IDE: variants seen among roughly 807,000 people sequenced by gnomAD.
IDE encodes the protein insulin degrading enzyme.
A neutral mutation model predicts 133.2 loss-of-function variants in IDE; 58 were observed. That is an observed-to-expected ratio of 0.44 (90% CI 0.35 to 0.54). The LOEUF (loss-of-function observed/expected upper bound fraction) is 0.54, where lower values mean the gene tolerates loss of function less well. Among genes scored for constraint, IDE ranks in the 20% least tolerant of loss-of-function variants. IDE has a pLI of 0.00. For missense variants in IDE, 981 were observed against 1,234.0 expected, an observed-to-expected ratio of 0.79 and a Z score of 3.07; for synonymous variants, 396 against 421.3, an observed-to-expected ratio of 0.94 and a Z score of 0.73.
intron 1 of IDE, among the ~76,000 whole-genome samples, chr10:92,560,932 T>C (rs368143101): frequency 6.6e-5 from 10 of 152,200 alleles, no homozygotes; most frequent in South Asian, 2.1e-4. Context: ...ACCTGGGTTC[T>C]AGACAATAAG....
intron 11 of IDE, among the ~76,000 whole-genome samples, chr10:92,501,361 T>TCAAAAAAAA (rs1564627755): frequency 9.7e-5 from 3 of 30,914 alleles, no homozygotes; most frequent in African/African-American, 5.7e-4. Flanking sequence ...GACTCTGTCA[T>TCAAAAAAAA]TAAAAAAAAA....
intron 22 of IDE, among the ~76,000 whole-genome samples, chr10:92,457,519 C>G (rs1431039847): frequency 6.6e-6 from 1 of 152,034 alleles, no homozygotes; most frequent in African/African-American, 2.4e-5. Flanking sequence ...TTAGTTACTA[C>G]CATGAATGCC....
At chr10:92,494,236 T>G (rs964419265) in intron 11 of IDE, among the ~76,000 whole-genome samples, 1 of 151,450 alleles carries the variant, frequency 6.6e-6, no homozygotes, top group African/African-American at 2.4e-5. Flanking sequence ...CAATTTTTTT[T>G]TTTTTTTTTT....
At chr10:92,547,779 A>G (rs1842594545) in intron 1 of IDE, among the ~76,000 whole-genome samples, 1 of 152,108 alleles carries the variant, frequency 6.6e-6, no homozygotes, top group Non-Finnish European at 1.5e-5. Context: ...GTGATTCTTC[A>G]CTGTCTGCAC....
chr10:92,492,118 G>C (rs1847388893), intron 11 of IDE, among the ~76,000 whole-genome samples: 1 of 151,938 alleles, frequency 6.6e-6, no homozygotes, highest in Non-Finnish European at 1.5e-5. Flanking sequence ...AAATTAGCCG[G>C]GTGTGGTGGC....
At position 92,528,018 on chromosome 10, in the gene IDE, TC is replaced by T. The variant is rs200050034; in HGVS notation, c.661+3729del. Among the ~76,000 whole-genome samples, 1,092 of 152,330 alleles carry T rather than the reference TC, an allele frequency of 7.2e-3. 18 individuals carry two copies. The highest frequency in any genetic ancestry group is 0.045 in the East Asian group (233 of 5,176). On this transcript the variant is annotated intron_variant, in intron 4 of 24. Transcript: ENST00000265986. ...GCAATTTTAGTGTGTTTGTCTTCTT[TC>T]TGGCAACCTTGCTGAATTATTTTTA...
intron 13 of IDE, among the ~76,000 whole-genome samples, chr10:92,485,644 T>G (rs1019503685): frequency 6.6e-6 from 1 of 152,054 alleles, no homozygotes; most frequent in African/African-American, 2.4e-5. Flanking sequence ...GAAGGCCTAT[T>G]TAAAACAAAC....
At chr10:92,455,822 C>CT (rs1158876857) in intron 23 of IDE, among the ~76,000 whole-genome samples, 179 bp from the exon 24 acceptor site, 1 of 152,136 alleles carries the variant, frequency 6.6e-6, no homozygotes, top group African/African-American at 2.4e-5. Flanking sequence ...GTCCTGCCTT[C>CT]TATCCAGAGC....
At position 92,534,775 on chromosome 10, in the gene IDE, C is replaced by T. The variant is rs144996713; in HGVS notation, c.294G>A (p.Ser98=). 1.0e-4 allele frequency: 165 copies of T among 1,612,236 alleles called. No individual in the cohort carries two copies. Among genetic ancestry groups the T allele is most frequent in the African/African-American group, 1.6e-4 (12 of 74,850 alleles). Residue 98 remains serine (S), a synonymous_variant, in exon 3 of 25, where the codon TCG becomes TCA. Coordinates refer to ENST00000265986, the MANE Select transcript of IDE (RefSeq NM_004969.4). ...TTAAGCCAGCAATATTTGGAGGATCCGACAATGAACCTGAAAGAGAAAACA... is the reference window on the plus strand; with the variant it reads ...TTAAGCCAGCAATATTTGGAGGATCTGACAATGAACCTGAAAGAGAAAACA... ...AALDVHIGSL[S]DPPNIAGLSH... is the part of the protein sequence containing the mutation.
At chr10:92,500,666 T>C (rs1020589282) in intron 11 of IDE, among the ~76,000 whole-genome samples, 4 of 152,330 alleles carry the variant, frequency 2.6e-5, no homozygotes, top group Admixed American at 2.6e-4. Flanking sequence ...TGTCTATCCA[T>C]ATGATGTCAA....
At chr10:92,554,545 T>TAAA (rs11418454) in intron 1 of IDE, among the ~76,000 whole-genome samples, 59 of 137,568 alleles carry the variant, frequency 4.3e-4, no homozygotes, top group African/African-American at 4.9e-4. Flanking sequence ...AACAGTGTCT[T>TAAA]AAAAAAAAAA....
chr10:92,524,461 T>TAATATA (rs1564648153), intron 4 of IDE, among the ~76,000 whole-genome samples: 1 of 59,064 alleles, frequency 1.7e-5, no homozygotes, highest in Non-Finnish European at 3.0e-5. Context: ...ATATTATATA[T>TAATATA]TTTATATAAT....
intron 4 of IDE, among the ~76,000 whole-genome samples, chr10:92,526,743 G>A (rs945709695): frequency 1.3e-5 from 2 of 151,410 alleles, no homozygotes; most frequent in African/African-American, 4.9e-5. Context: ...CTACTTGGGA[G>A]GCTGGGGTAG....
chr10:92,516,464 T>C (rs935195941), intron 4 of IDE, among the ~76,000 whole-genome samples: 1 of 152,136 alleles, frequency 6.6e-6, no homozygotes, highest in African/African-American at 2.4e-5. Flanking sequence ...ACTGCACTCC[T>C]GGGCAACAGA....
At chr10:92,535,303 C>A (rs1301956595) in intron 2 of IDE, among the ~76,000 whole-genome samples, 1 of 152,106 alleles carries the variant, frequency 6.6e-6, no homozygotes, top group African/African-American at 2.4e-5. Flanking sequence ...CGGGGTTTCA[C>A]CGTGTTAGCC....
At chr10:92,505,340 G>A (rs1479009270) in intron 10 of IDE, among the ~76,000 whole-genome samples, 1 of 152,080 alleles carries the variant, frequency 6.6e-6, no homozygotes, top group Admixed American at 6.5e-5. Context: ...TTTAGGAAGC[G>A]GCTGTGGAAA....
intron 1 of IDE, among the ~76,000 whole-genome samples, chr10:92,557,874 CAAAAA>C (rs3051565): frequency 1.8e-5 from 2 of 108,340 alleles, no homozygotes; most frequent in Non-Finnish European, 3.6e-5. Flanking sequence ...GATTCCACCT[CAAAAA>C]AAAAAAAAAA....
At chr10:92,539,313 T>C (rs933608051) in intron 1 of IDE, among the ~76,000 whole-genome samples, 4 of 152,118 alleles carry the variant, frequency 2.6e-5, no homozygotes, top group African/African-American at 9.7e-5. Flanking sequence ...AAAAATCACA[T>C]AGTACTTTAC....
intron 3 of IDE, among the ~76,000 whole-genome samples, chr10:92,533,015 A>G (rs1043628450): frequency 6.6e-6 from 1 of 152,258 alleles, no homozygotes; most frequent in Non-Finnish European, 1.5e-5. Context: ...GTATGAAAAC[A>G]GATGATTTCT....
Sources: gnomAD v4.1 joint callset for allele counts (sites outside exome capture counted in the v4.1 genomes callset) on GRCh38, gnomAD v4.1.1 for gene constraint, MANE v1.5 for transcripts, NCBI Gene and HGNC (gene_info 2026-07-23, HGNC 2026-07-21) for gene names.